Variants in PPP2R2B observed in about 807,000 individuals in gnomAD.
PPP2R2B encodes serine/threonine-protein phosphatase 2A 55 kDa regulatory subunit B beta isoform.
Under a neutral mutation model 46.0 loss-of-function variants are expected in PPP2R2B, and 5 were observed. The observed-to-expected ratio is 0.11, with a 90% confidence interval of 0.06 to 0.23. PPP2R2B has a LOEUF of 0.23. Among genes scored for constraint, PPP2R2B ranks in the 10% least tolerant of loss-of-function variants. The pLI is 1.00. For missense variants in PPP2R2B, 367 were observed against 575.0 expected (o/e 0.64, Z 3.70); for synonymous variants, 215 against 206.7 (o/e 1.04, Z -0.34).
At chr5:146,621,731 T>C (rs998739992) in intron 7 of PPP2R2B, among the ~76,000 whole-genome samples, 1 of 152,196 alleles carries the variant, frequency 6.6e-6, no homozygotes, top group Non-Finnish European at 1.5e-5. Flanking sequence ...ATCCTTCCCT[T>C]CCACAGTCAC....
intron 1 of PPP2R2B, among the ~76,000 whole-genome samples, chr5:147,050,684 ACACACG>A (rs1048220958): frequency 4.5e-4 from 69 of 151,854 alleles, no homozygotes; most frequent in Middle Eastern, 3.4e-3. Context: ...ACACACACAC[ACACACG>A]CATCCATACC....
chr5:146,624,473 A>G (rs1420457947), intron 7 of PPP2R2B, among the ~76,000 whole-genome samples: 1 of 152,044 alleles, frequency 6.6e-6, no homozygotes, highest in East Asian at 1.9e-4. Context: ...GCCCAAATCA[A>G]TTCAATCTCA....
intron 1 of PPP2R2B, among the ~76,000 whole-genome samples, chr5:146,977,845 T>C (rs189565698): frequency 2.7e-4 from 41 of 152,326 alleles, no homozygotes; most frequent in Non-Finnish European, 5.4e-4. Flanking sequence ...TACACGTACA[T>C]GTGTCTTTAT....
intron 2 of PPP2R2B, among the ~76,000 whole-genome samples, chr5:146,764,591 C>T (rs1393679692): frequency 6.6e-6 from 1 of 152,106 alleles, no homozygotes; most frequent in African/African-American, 2.4e-5. Context: ...ATCCCTTGAT[C>T]ACATACTTGT....
chr5:146,962,088 C>T (rs1752195671), intron 1 of PPP2R2B, among the ~76,000 whole-genome samples: 2 of 146,504 alleles, frequency 1.4e-5, no homozygotes, highest in African/African-American at 5.1e-5. Flanking sequence ...TCGCAACATC[C>T]CTGCCCCCAT....
chr5:146,944,831 G>C (rs565900541), intron 1 of PPP2R2B, among the ~76,000 whole-genome samples: 1 of 152,106 alleles, frequency 6.6e-6, no homozygotes, highest in East Asian at 1.9e-4. Flanking sequence ...TAGATAATAG[G>C]GAAGAAGAAA....
intron 7 of PPP2R2B, 87 bp from the exon 8 acceptor site, chr5:146,600,547 G>A (rs1771682675): frequency 7.6e-7 from 1 of 1,320,428 alleles, no homozygotes; most frequent in Non-Finnish European, 1.1e-6. Flanking sequence ...AGCTGACAGT[G>A]TAACTGAGAG....
intron 1 of PPP2R2B, among the ~76,000 whole-genome samples, chr5:146,938,403 G>A (rs896633847): frequency 2.0e-5 from 3 of 151,658 alleles, no homozygotes; most frequent in African/African-American, 7.3e-5. Context: ...TTTCTGGATG[G>A]CAATTTGCCC....
rs1354820391 is a variant in PPP2R2B at position 146,706,660 on chromosome 5, C to T, written c.71-5518G>A. The T allele has an allele frequency of 7.0e-6, 6 of 854,284 alleles. No individual in the cohort carries two copies. The South Asian group carries it at 7.9e-5, about 11-fold the overall frequency. The allele number at this position is 854,284 out of a possible 1,614,324, so 52.9% of individuals were successfully genotyped here. On this transcript the variant is annotated intron_variant, in intron 2 of 9. Transcript: ENST00000394411. ...AGGGAAATCCTCCCGCCTTTGAGGC[C>T]CTCAGTCTCAGCCTGGAGCCAGCTG...
intron 5 of PPP2R2B, among the ~76,000 whole-genome samples, chr5:146,657,968 C>T (rs1297887736): frequency 6.6e-6 from 1 of 152,130 alleles, no homozygotes; most frequent in African/African-American, 2.4e-5. Flanking sequence ...AGGTTATAAC[C>T]ACACACTGGC....
intron 2 of PPP2R2B, among the ~76,000 whole-genome samples, chr5:146,837,955 C>T (rs1042628155): frequency 1.3e-5 from 2 of 152,122 alleles, no homozygotes; most frequent in Non-Finnish European, 2.9e-5. Flanking sequence ...TGTTTGTTCC[C>T]TAGCACCATG....
chr5:146,727,226 T>C (rs1270212539), intron 2 of PPP2R2B, among the ~76,000 whole-genome samples: 2 of 151,414 alleles, frequency 1.3e-5, no homozygotes, highest in East Asian at 1.9e-4. Context: ...CCTACAGCTA[T>C]GTTAAACATT....
chr5:146,798,354 C>T (rs1421955365), intron 2 of PPP2R2B, among the ~76,000 whole-genome samples: 2 of 152,100 alleles, frequency 1.3e-5, no homozygotes, highest in African/African-American at 4.8e-5. Flanking sequence ...AAGGCTTCCC[C>T]AGCTGGTAAT....
chr5:146,792,957 G>T (rs1039038194), intron 2 of PPP2R2B, among the ~76,000 whole-genome samples: 1 of 152,130 alleles, frequency 6.6e-6, no homozygotes, highest in African/African-American at 2.4e-5. Context: ...TTTTTTATAG[G>T]AATCAATATG....
intron 2 of PPP2R2B, among the ~76,000 whole-genome samples, chr5:146,859,143 G>C (rs140515936): frequency 7.0e-4 from 107 of 152,210 alleles, no homozygotes; most frequent in African/African-American, 2.6e-3. Flanking sequence ...CCATAAACTA[G>C]GTATGTGATC....
intron 2 of PPP2R2B, among the ~76,000 whole-genome samples, chr5:146,761,746 A>G (rs1388303777): frequency 6.6e-6 from 1 of 152,212 alleles, no homozygotes; most frequent in East Asian, 1.9e-4. Context: ...TTTCTGATCA[A>G]TAAGATGGAA....
intron 9 of PPP2R2B, among the ~76,000 whole-genome samples, 172 bp from the exon 10 acceptor site, chr5:146,590,398 G>GTTTTTTT (rs1221281341): frequency 1.8e-5 from 2 of 113,418 alleles, no homozygotes; most frequent in African/African-American, 3.3e-5. Context: ...TTTTTTTTGT[G>GTTTTTTT]TTTTTTTTTT....
At chr5:146,766,727 C>A (rs1754499373) in intron 2 of PPP2R2B, among the ~76,000 whole-genome samples, 2 of 152,042 alleles carry the variant, frequency 1.3e-5, no homozygotes, top group Non-Finnish European at 2.9e-5. Flanking sequence ...TGAATGCTAC[C>A]ACAACACCGT....
At chr5:146,803,896 G>A (rs568081829) in intron 2 of PPP2R2B, among the ~76,000 whole-genome samples, 3 of 152,276 alleles carry the variant, frequency 2.0e-5, no homozygotes, top group East Asian at 3.9e-4. Flanking sequence ...GGTTGGGCAC[G>A]GTGGCTCATG....
Sources: gnomAD v4.1 joint callset for allele counts (sites outside exome capture counted in the v4.1 genomes callset) on GRCh38, gnomAD v4.1.1 for gene constraint, MANE v1.5 for transcripts, NCBI Gene and HGNC (gene_info 2026-07-23, HGNC 2026-07-21) for gene names.